Variants in RNF126 observed in about 807,000 individuals in gnomAD.
RNF126 encodes E3 ubiquitin-protein ligase RNF126.
Under a neutral mutation model 41.9 loss-of-function variants are expected in RNF126, and 20 were observed. The observed-to-expected ratio is 0.48, with a 90% CI of 0.34 to 0.69. The LOEUF (loss-of-function observed/expected upper bound fraction) is 0.69, where lower values mean the gene tolerates loss of function less well. Ranked by LOEUF, RNF126 falls within the 30% of genes least tolerant of loss-of-function variation. The probability of loss-of-function intolerance (pLI) is 0.01; values close to 1 mark genes in which losing one functional copy is unlikely to be tolerated. For missense variants in RNF126, 433 were observed against 460.6 expected (o/e 0.94, Z 0.55); for synonymous variants, 239 against 202.9 (o/e 1.18, Z -1.51).
intron 1 of RNF126, among the ~76,000 whole-genome samples, chr19:654,224 T>C (rs35233618): frequency 0.16 from 24,173 of 152,010 alleles, 2,312 homozygotes; most frequent in East Asian, 0.47. Context: ...CAGATGCACA[T>C]GAACCCACCG....
chr19:651,865 G>A lies in RNF126; in HGVS notation c.199-10C>T, dbSNP rs1225512329. The A allele has an allele frequency of 2.4e-5, 39 of 1,601,092 alleles. No individual in the cohort carries two copies. Among genetic ancestry groups the A allele is most frequent in the Non-Finnish European group, 3.2e-5 (38 of 1,174,214 alleles). ...GGTGCTGGTCCACGTGCTGGGGAGA[G>A]GAGGGGGGCGTGACCTCGGGGGCTC... On this transcript the variant is annotated splice_polypyrimidine_tract_variant and intron_variant, in intron 3 of 8. Coordinates refer to ENST00000292363, the MANE Select transcript of RNF126 (RefSeq NM_194460.3).
chr19:653,365 G>A (rs2030415016), intron 1 of RNF126, among the ~76,000 whole-genome samples: 1 of 152,192 alleles, frequency 6.6e-6, no homozygotes, highest in African/African-American at 2.4e-5. Context: ...CCATCCCCAG[G>A]TCCCCCTAGA....
In RNF126 at chr19:652,219, G is replaced by GGCGGGCGAC. The variant is rs1296567422; in HGVS notation, c.198+5_198+13dup. On this transcript the variant is annotated intron_variant, in intron 3 of 8. Transcript: ENST00000292363. ...GCTGACACGATCGGGAAGCACGAGG[G>GGCGGGCGAC]GCGGGCGACTCACCTCCAACGGTGG... 1 of 1,519,014 alleles carries GGCGGGCGAC rather than the reference G, an allele frequency of 6.6e-7. No individual in the cohort carries two copies. Among genetic ancestry groups the GGCGGGCGAC allele is most frequent in the Admixed American group, 2.7e-5 (1 of 36,500 alleles). 94.1% of individuals were successfully genotyped at this position (1,519,014 alleles called of 1,614,324 possible). A position where few individuals can be genotyped will look rare whatever the true frequency, so the allele number is the denominator to read the frequency against.
chr19:649,598 G>A, intron 6 of RNF126, 81 bp downstream of exon 6: 1 of 1,175,032 alleles, frequency 8.5e-7, no homozygotes, highest in Non-Finnish European at 1.2e-6. Context: ...GGCTTCGTGG[G>A]TCCAGGCAGT....
In RNF126 at chr19:648,077, G is replaced by C. The variant is rs2030047578; in HGVS notation, c.*51C>G. 6.6e-7 allele frequency: 1 copy of C among 1,504,434 alleles called. No homozygotes were observed. The highest frequency in any genetic ancestry group is 8.9e-7 in the Non-Finnish European group (1 of 1,125,804). The allele number at this position is 1,504,434 out of a possible 1,614,324, so 93.2% of individuals were successfully genotyped here. On this transcript the variant is annotated 3_prime_UTR_variant, in exon 9 of 9. Coordinates refer to ENST00000292363, the MANE Select transcript of RNF126 (RefSeq NM_194460.3). ...AGTCTGTGGGTGCCGTGTGGCGCTG[G>C]CTGAGGGTGGGTGGGAAAGGCCCCG...
At position 651,790 on chromosome 19, in the gene RNF126, A is replaced by T. The variant is rs150696750; in HGVS notation, c.264T>A (p.Asp88Glu). Residue 88 changes from aspartate (D) to glutamate (E), a missense_variant, in exon 4 of 9, where the codon GAT becomes GAA. This residue lies in a region of RNF126 where 247 missense variants were observed against 224.7 expected (regional missense o/e 1.10). Transcript: ENST00000292363. ...GGAACGTGGGGATCTCGAAGCTGTC[A>T]TCGAAGATGCCGAAAGCAAACTGTC... ...GYGQFAFGIF[D>E]DSFEIPTFPP... 2 of 1,612,540 alleles carry T rather than the reference A, an allele frequency of 1.2e-6. No homozygotes were observed. The highest frequency in any genetic ancestry group is 1.7e-6 in the Non-Finnish European group (2 of 1,179,778).
At chr19:660,162 A>G (rs558626272) in intron 1 of RNF126, among the ~76,000 whole-genome samples, 12 of 152,356 alleles carry the variant, frequency 7.9e-5, no homozygotes, top group African/African-American at 2.9e-4. Context: ...CACCCTCACG[A>G]GTCACCAGGA....
chr19:658,819 C>T (rs977413458), intron 1 of RNF126, among the ~76,000 whole-genome samples: 9 of 152,338 alleles, frequency 5.9e-5, no homozygotes, highest in African/African-American at 2.2e-4. Flanking sequence ...GGCACCACCA[C>T]TAGGGACTGG....
In RNF126 at chr19:648,364, G is replaced by GCGCC; in HGVS notation, c.786+7_786+8insGGCG. On this transcript the variant is annotated splice_region_variant and intron_variant, in intron 8 of 8. Coordinates refer to ENST00000292363, the MANE Select transcript of RNF126 (RefSeq NM_194460.3). ...CGGGGTGGGGGGGCGGGTGGGCGGG[G>GCGCC]CACTCACCTGCTCCAGCCAGGGCAC... The GCGCC allele has an allele frequency of 3.9e-6, 2 of 510,490 alleles. No homozygotes were observed. The highest frequency in any genetic ancestry group is 7.2e-6 in the Non-Finnish European group (2 of 278,356). The allele number at this position is 510,490 out of a possible 1,614,324, so 31.6% of individuals were successfully genotyped here.
chr19:648,488 C>A lies in RNF126; in HGVS notation c.671-1G>T. 1 of 1,566,582 alleles carries A rather than the reference C, an allele frequency of 6.4e-7. No individual in the cohort carries two copies. The highest frequency in any genetic ancestry group is 2.4e-5 in the East Asian group (1 of 41,796). ...CACACAGGGCACTCGAGCCCGGAGC[C>A]TGCGGGAGTGTGCAGCTGCGGTCAC... On this transcript the variant is annotated splice_acceptor_variant, in intron 7 of 8. Coordinates refer to ENST00000292363, the MANE Select transcript of RNF126 (RefSeq NM_194460.3). LOFTEE classifies it high-confidence loss of function.
chr19:659,180 G>C lies in RNF126; in HGVS notation c.75+3867C>G, dbSNP rs1263013656. 6.6e-6 allele frequency among the ~76,000 whole-genome samples: 1 copy of C among 152,180 alleles called. No homozygotes were observed. Among genetic ancestry groups the C allele is most frequent in the Non-Finnish European group, 1.5e-5 (1 of 68,036 alleles). On this transcript the variant is annotated intron_variant, in intron 1 of 8. Transcript: ENST00000292363. The surrounding 1 kb of genome is among the most constrained non-coding windows in gnomAD (Gnocchi z 4.9). ...TATCTGGCACAACCGCAGACACACA[G>C]AGCAAGCAGCGGCCAGAGACAGACC...
At chr19:648,851 T>A (rs370584191) in intron 7 of RNF126, 31 bp downstream of exon 7, 3 of 1,314,266 alleles carry the variant, frequency 2.3e-6, no homozygotes, top group African/African-American at 3.0e-5. Context: ...TGCCTGTAAT[T>A]CCCACTACTC....
At chr19:652,985 G>GCTGGCCTGCGTGTGC in intron 1 of RNF126, 101 bp from the exon 2 acceptor site, 2 of 1,153,706 alleles carry the variant, frequency 1.7e-6, no homozygotes, top group Non-Finnish European at 2.5e-6. Flanking sequence ...GCGGTCTCTG[G>GCTGGCCTGCGTGTGC]CTGGCCAGGC....
chr19:652,129 C>G, intron 3 of RNF126, 104 bp downstream of exon 3: 1 of 1,015,406 alleles, frequency 9.8e-7, no homozygotes, highest in Non-Finnish European at 1.4e-6. Flanking sequence ...TTTCCTCCGC[C>G]GTGCGGGCAG....
chr19:652,019 T>G (rs2030326601), intron 3 of RNF126, 164 bp from the exon 4 acceptor site: 1 of 696,002 alleles, frequency 1.4e-6, no homozygotes, highest in Non-Finnish European at 2.3e-6. Context: ...CCTGCCCCGC[T>G]GGTGTGAGAT....
chr19:648,322 G>GGCGGGAGGGCC lies in RNF126; in HGVS notation c.786+39_787-46dup, dbSNP rs1475536923. 4 of 1,531,770 alleles carry GGCGGGAGGGCC rather than the reference G, an allele frequency of 2.6e-6. No homozygotes were observed. The African/African-American group carries it at 5.5e-5, about 21-fold the overall frequency. The allele number at this position is 1,531,770 out of a possible 1,614,324, so 94.9% of individuals were successfully genotyped here. A position where few individuals can be genotyped will look rare whatever the true frequency, so the allele number is the denominator to read the frequency against. On this transcript the variant is annotated intron_variant, in intron 8 of 8. Transcript: ENST00000292363. ...GGGACGGGAGAAGGGGCAGGTTAGA[G>GGCGGGAGGGCC]GCGGGAGGGCCGCGGTCGGGGTGGG...
intron 4 of RNF126, chr19:651,280 C>A (rs4919879): frequency 0.45 from 86,775 of 192,104 alleles, 21,342 homozygotes; most frequent in Non-Finnish European, 0.52. Context: ...GGAGTGGGGC[C>A]CTGCGACGGC....
At chr19:658,646 G>C (rs1002208528) in intron 1 of RNF126, among the ~76,000 whole-genome samples, 6 of 152,134 alleles carry the variant, frequency 3.9e-5, no homozygotes, top group African/African-American at 7.2e-5. Context: ...CATTCACACC[G>C]TCTGTCCCTG....
intron 6 of RNF126, 81 bp from the exon 7 acceptor site, chr19:649,056 CA>C: frequency 1.5e-6 from 1 of 660,520 alleles, no homozygotes; most frequent in Non-Finnish European, 2.2e-6. Context: ...GCAGGACCTG[CA>C]AAAGCACCGA....
Sources: gnomAD v4.1 joint callset for allele counts (sites outside exome capture counted in the v4.1 genomes callset) on GRCh38, gnomAD v4.1.1 for gene constraint, gnomAD v4.1.1 regional missense constraint, Gnocchi (gnomAD v3.1) non-coding constraint, MANE v1.5 for transcripts, NCBI Gene and HGNC (gene_info 2026-07-23, HGNC 2026-07-21) for gene names.